Variants in TRIM9 observed in about 807,000 individuals in gnomAD.
The protein encoded by TRIM9 is tripartite motif containing 9.
TRIM9 carries 26 observed loss-of-function variants against 78.3 expected under a neutral mutation model. The observed-to-expected ratio is 0.33, with a 90% confidence interval of 0.24 to 0.46. The LOEUF is 0.46. Ranked by LOEUF, TRIM9 falls within the 20% of genes least tolerant of loss-of-function variation. The pLI, the probability that TRIM9 is intolerant of heterozygous loss-of-function variation, is 1.00. For synonymous variants in TRIM9, 398 were observed against 416.5 expected, an observed-to-expected ratio of 0.96 and a Z score of 0.54; for missense variants, 787 against 1,036.4, an observed-to-expected ratio of 0.76 and a Z score of 3.30.
intron 1 of TRIM9, among the ~76,000 whole-genome samples, chr14:51,062,130 A>G (rs1248444168): frequency 1.3e-5 from 2 of 151,568 alleles, no homozygotes; most frequent in East Asian, 1.9e-4. Context: ...TGTGCTTTTC[A>G]TTTCTAGTAT....
intron 1 of TRIM9, among the ~76,000 whole-genome samples, chr14:51,092,735 T>A (rs1047064204): frequency 3.3e-5 from 5 of 152,188 alleles, no homozygotes; most frequent in Non-Finnish European, 7.3e-5. Flanking sequence ...ATTATAAGGA[T>A]CTTCTTCCTC....
At position 51,009,076 on chromosome 14, in the gene TRIM9, A is replaced by C. The variant is rs2297889; in HGVS notation, c.1306+4T>G. ...TCTCTGACTTGGGGGATGCAAGGAC[A>C]TACCTTTCACTTGCACGAAATCCAG... On this transcript the variant is annotated splice_donor_region_variant and intron_variant, in intron 5 of 12. Transcript: ENST00000684578. 1 of 1,613,446 alleles carries C rather than the reference A, an allele frequency of 6.2e-7. No individual in the cohort carries two copies. The highest frequency in any genetic ancestry group is 2.2e-5 in the East Asian group (1 of 44,860).
At chr14:51,001,355 G>A (rs2054995333) in intron 5 of TRIM9, among the ~76,000 whole-genome samples, 1 of 151,574 alleles carries the variant, frequency 6.6e-6, no homozygotes, top group Admixed American at 6.6e-5. Flanking sequence ...TCAGCCTCCG[G>A]AGTAGCTGGG....
chr14:51,009,322 C>A (rs2056260370), intron 4 of TRIM9, 89 bp from the exon 5 acceptor site: 2 of 1,522,010 alleles, frequency 1.3e-6, no homozygotes, highest in South Asian at 1.2e-5. Context: ...GAGCATTACT[C>A]CCAAACTGCC....
In TRIM9 at chr14:51,050,273, G is replaced by A. The variant is rs572119559; in HGVS notation, c.823-24913C>T. Among the ~76,000 whole-genome samples, 7 of 152,246 alleles carry A rather than the reference G, an allele frequency of 4.6e-5. No individual in the cohort carries two copies. The East Asian group carries it at 1.4e-3, about 29-fold the overall frequency. On this transcript the variant is annotated intron_variant, in intron 1 of 12. Transcript: ENST00000684578. The stretch of plus-strand genomic sequence containing the variant: ...CTTCCATGTGTTGTGGGAGGGACCT[G>A]GTGGGAGATAATTGAATCATGGGGG...
chr14:51,026,682 T>C (rs1191701975), intron 1 of TRIM9, among the ~76,000 whole-genome samples: 1 of 152,202 alleles, frequency 6.6e-6, no homozygotes, highest in Non-Finnish European at 1.5e-5. Context: ...AAATACAAAG[T>C]TGGGCACTGA....
chr14:50,979,739 GTA>G (rs945899400), intron 11 of TRIM9, among the ~76,000 whole-genome samples, 190 bp from the exon 12 acceptor site: 13 of 152,212 alleles, frequency 8.5e-5, no homozygotes, highest in African/African-American at 2.9e-4. Flanking sequence ...GGTACTGTGT[GTA>G]TATCTGTGTT....
At chr14:51,048,704 G>A (rs951537952) in intron 1 of TRIM9, among the ~76,000 whole-genome samples, 5 of 152,098 alleles carry the variant, frequency 3.3e-5, no homozygotes, top group African/African-American at 1.2e-4. Context: ...CATCTCGGGG[G>A]CCGGGCGCAG....
At chr14:51,025,207 C>A (rs569441211) in intron 2 of TRIM9, 58 bp downstream of exon 2, 18 of 1,442,746 alleles carry the variant, frequency 1.2e-5, no homozygotes, top group Admixed American at 3.7e-5. Flanking sequence ...GAAACTCTCC[C>A]GCCACACAGT....
intron 11 of TRIM9, among the ~76,000 whole-genome samples, 163 bp downstream of exon 11, chr14:50,981,637 C>T (rs1405123724): frequency 6.6e-6 from 1 of 152,118 alleles, no homozygotes; most frequent in Admixed American, 6.5e-5. Context: ...AGTAAACCAC[C>T]AGCATGGACT....
At chr14:51,002,183 A>G (rs1241082409) in intron 5 of TRIM9, among the ~76,000 whole-genome samples, 6 of 152,040 alleles carry the variant, frequency 3.9e-5, no homozygotes, top group Non-Finnish European at 8.8e-5. Flanking sequence ...GTGCAGTGGC[A>G]CGATCTCGGC....
intron 3 of TRIM9, among the ~76,000 whole-genome samples, chr14:51,013,753 A>G (rs2056845412): frequency 6.6e-6 from 1 of 152,148 alleles, no homozygotes; most frequent in Non-Finnish European, 1.5e-5. Flanking sequence ...GGCTCAATGA[A>G]TACAAATTAT....
intron 4 of TRIM9, among the ~76,000 whole-genome samples, chr14:51,009,437 T>G (rs751721957): frequency 3.9e-5 from 6 of 152,106 alleles, no homozygotes; most frequent in Admixed American, 2.0e-4. Context: ...CTTTTGTGAG[T>G]TGGGGGGCAC....
intron 1 of TRIM9, among the ~76,000 whole-genome samples, chr14:51,033,547 C>G (rs118053017): frequency 6.6e-4 from 101 of 152,284 alleles, no homozygotes; most frequent in Non-Finnish European, 1.1e-3. Flanking sequence ...TTGCTCTGGT[C>G]CCATTTTGTC....
intron 7 of TRIM9, among the ~76,000 whole-genome samples, chr14:50,990,365 C>A (rs1596110609): frequency 6.6e-6 from 1 of 152,268 alleles, no homozygotes; most frequent in East Asian, 1.9e-4. Context: ...GAACACCTGT[C>A]ATGTGCCAGA....
At chr14:50,984,826 G>GT (rs1409720425) in intron 8 of TRIM9, among the ~76,000 whole-genome samples, 1 of 152,140 alleles carries the variant, frequency 6.6e-6, no homozygotes, top group Non-Finnish European at 1.5e-5. Flanking sequence ...TACAAAGACT[G>GT]TAACGATATT....
chr14:51,025,137 A>G, intron 2 of TRIM9, 128 bp downstream of exon 2: 1 of 833,240 alleles, frequency 1.2e-6, no homozygotes, highest in Non-Finnish European at 1.9e-6. Context: ...GTATGTAAAG[A>G]ACAACAACAA....
chr14:51,072,017 G>A (rs1485980454), intron 1 of TRIM9, among the ~76,000 whole-genome samples: 1 of 152,104 alleles, frequency 6.6e-6, no homozygotes, highest in Non-Finnish European at 1.5e-5. Context: ...AGAAGGCAGG[G>A]AAAGGAAACT....
At chr14:50,994,252 A>T (rs1380747730) in intron 7 of TRIM9, among the ~76,000 whole-genome samples, 2 of 152,190 alleles carry the variant, frequency 1.3e-5, no homozygotes, top group African/African-American at 2.4e-5. Context: ...CAAAAAATTT[A>T]AAAAATTAGC....
Sources: allele counts gnomAD v4.1 joint callset (sites outside exome capture counted in the v4.1 genomes callset), GRCh38; gene constraint gnomAD v4.1.1; transcripts MANE v1.5; gene names NCBI Gene and HGNC (gene_info 2026-07-23, HGNC 2026-07-21).